The following KIAA0753 variants were observed in gnomAD, a reference collection of about 807,000 sequenced individuals.
KIAA0753 encodes KIAA0753.
In KIAA0753, 114 loss-of-function variants were observed where a neutral mutation model predicts 116.9. That is an observed-to-expected ratio of 0.98 (90% CI 0.84 to 1.14). KIAA0753 has a LOEUF of 1.14. Among genes scored for constraint, KIAA0753 ranks in the 50% most tolerant of loss-of-function variants. The pLI, the probability that KIAA0753 is intolerant of heterozygous loss-of-function variation, is 0.00. For missense variants in KIAA0753, 1,156 were observed against 1,172.4 expected, an observed-to-expected ratio of 0.99 and a Z score of 0.20; for synonymous variants, 405 against 413.1, an observed-to-expected ratio of 0.98 and a Z score of 0.24.
chr17:6,583,352 T>G (rs1469593441), intron 18 of KIAA0753, among the ~76,000 whole-genome samples: 2 of 152,036 alleles, frequency 1.3e-5, no homozygotes, highest in African/African-American at 2.4e-5. Flanking sequence ...TTTTCCTTGC[T>G]TGGGGTTTTT....
Position 6,620,767 on chromosome 17 carries a change from TA to T in KIAA0753, c.1315+20del, listed in dbSNP as rs1971261752. The T allele has an allele frequency of 6.2e-7, 1 of 1,608,564 alleles. No homozygotes were observed. The highest frequency in any genetic ancestry group is 1.3e-5 in the African/African-American group (1 of 74,808). The stretch of plus-strand genomic sequence containing the variant: ...TTGTAATGAATAAAATGTCTTACAA[TA>T]AACACTTTAAGACACATACCGGCAA... On this transcript the variant is annotated intron_variant, in intron 7 of 18. Coordinates refer to ENST00000361413, the MANE Select transcript of KIAA0753 (RefSeq NM_014804.3).
chr17:6,621,072 T>C, intron 6 of KIAA0753, 74 bp from the exon 7 acceptor site: 3 of 1,373,474 alleles, frequency 2.2e-6, no homozygotes, highest in Non-Finnish European at 3.0e-6. Flanking sequence ...AAACTGAAAA[T>C]AAGGACTCCA....
At chr17:6,608,325 A>G (rs916599793) in intron 10 of KIAA0753, 23 bp downstream of exon 10, 1 of 1,210,808 alleles carries the variant, frequency 8.3e-7, no homozygotes, top group Non-Finnish European at 1.1e-6. Context: ...ATTCTCAAAG[A>G]TCTGAAAAAT....
intron 10 of KIAA0753, among the ~76,000 whole-genome samples, chr17:6,607,754 T>C (rs1188338374): frequency 6.6e-6 from 1 of 152,258 alleles, no homozygotes; most frequent in East Asian, 1.9e-4. Flanking sequence ...TGTTTTCCCA[T>C]AACTGTAAGA....
intron 17 of KIAA0753, 83 bp downstream of exon 17, chr17:6,590,427 T>G (rs948351693): frequency 5.2e-6 from 8 of 1,528,244 alleles, no homozygotes; most frequent in South Asian, 1.2e-5. Context: ...CTGTCTGTCT[T>G]ATGGGAACTG....
intron 1 of KIAA0753, chr17:6,635,762 G>C (rs1343222623): frequency 1.3e-5 from 2 of 150,640 alleles, no homozygotes; most frequent in Non-Finnish European, 3.0e-5. Flanking sequence ...TAATAGATAT[G>C]AAAGCACTCG....
At chr17:6,595,687 T>C (rs1466738945) in intron 15 of KIAA0753, among the ~76,000 whole-genome samples, 3 of 152,184 alleles carry the variant, frequency 2.0e-5, no homozygotes, top group Non-Finnish European at 4.4e-5. Flanking sequence ...TTTCCTGCAC[T>C]GAATAATCCA....
At position 6,628,543 on chromosome 17, in the gene KIAA0753, T is replaced by TA; in HGVS notation, c.291dup (p.Ser98Ter). 6.2e-7 allele frequency: 1 copy of TA among 1,614,212 alleles called. No homozygotes were observed. The highest frequency in any genetic ancestry group is 8.5e-7 in the Non-Finnish European group (1 of 1,180,014). ...CTTCTGGCTAGGTGGACAGCATAGCTAAGTCTCTCTTGGGATATGACGGAA... is the reference window on the plus strand; with the variant it reads ...CTTCTGGCTAGGTGGACAGCATAGCTAAAGTCTCTCTTGGGATATGACGGAA... On this transcript the variant is annotated frameshift_variant, in exon 3 of 19. Coordinates refer to ENST00000361413, the MANE Select transcript of KIAA0753 (RefSeq NM_014804.3). LOFTEE classifies it high-confidence loss of function.
In KIAA0753 at chr17:6,620,773, C is replaced by A. The variant is rs2150878142; in HGVS notation, c.1315+15G>T. On this transcript the variant is annotated intron_variant, in intron 7 of 18. Transcript: ENST00000361413. ...TGAATAAAATGTCTTACAATAAACA[C>A]TTTAAGACACATACCGGCAAGAAGC... The A allele has an allele frequency of 1.9e-6, 3 of 1,609,854 alleles. No individual in the cohort carries two copies. Among genetic ancestry groups the A allele is most frequent in the Non-Finnish European group, 2.6e-6 (3 of 1,176,110 alleles).
chr17:6,586,639 C>G (rs1255097010), intron 18 of KIAA0753, among the ~76,000 whole-genome samples: 1 of 152,228 alleles, frequency 6.6e-6, no homozygotes, highest in Admixed American at 6.5e-5. Context: ...TCCTTTTCAA[C>G]CAGAATTCAC....
chr17:6,589,652 A>C (rs1968841387), intron 18 of KIAA0753, 127 bp downstream of exon 18: 2 of 630,048 alleles, frequency 3.2e-6, no homozygotes, highest in Non-Finnish European at 5.3e-6. Flanking sequence ...GCCCAAGAAC[A>C]ACCACTGAAA....
At chr17:6,628,082 C>T (rs1334741259) in intron 3 of KIAA0753, 35 bp downstream of exon 3, 8 of 1,582,228 alleles carry the variant, frequency 5.1e-6, no homozygotes, top group Non-Finnish European at 6.9e-6. Flanking sequence ...ATAATCACAG[C>T]CTTAGGTCGA....
At chr17:6,625,712 T>A (rs538175876) in intron 3 of KIAA0753, among the ~76,000 whole-genome samples, 1 of 152,172 alleles carries the variant, frequency 6.6e-6, no homozygotes, top group Non-Finnish European at 1.5e-5. Flanking sequence ...TAAGATAGCA[T>A]CTTATTGTAA....
intron 7 of KIAA0753, among the ~76,000 whole-genome samples, chr17:6,614,984 A>T (rs185021457): frequency 1.4e-4 from 21 of 152,232 alleles, no homozygotes; most frequent in South Asian, 4.2e-4. Context: ...TTTTTAGTAG[A>T]GACGGGGTTT....
At chr17:6,621,738 A>G (rs1222788341) in intron 6 of KIAA0753, among the ~76,000 whole-genome samples, 1 of 152,224 alleles carries the variant, frequency 6.6e-6, no homozygotes, top group Non-Finnish European at 1.5e-5. Context: ...CTCAAAATGT[A>G]GGAGAGGGAC....
chr17:6,610,109 T>C lies in KIAA0753; in HGVS notation c.1597A>G (p.Arg533Gly). ...GRQSQPHSKS[R>G]VQQTTVSSRL... is the part of the protein sequence containing the mutation. Reference sequence around the variant, plus strand: ...GATGAAACTGTTGTCTGCTGCACTCTGCTTTTACTGTGAGGTTGGCTTTGT... The same window carrying C: ...GATGAAACTGTTGTCTGCTGCACTCCGCTTTTACTGTGAGGTTGGCTTTGT... The change falls in exon 9 of 19, where the codon AGA (arginine) becomes GGA (glycine). Residue 533 changes from arginine to glycine, a missense_variant. Arg to Gly is a moderately radical substitution (Grantham distance 125, BLOSUM62 -2). Transcript: ENST00000361413. 1 of 1,614,186 alleles carries C rather than the reference T, an allele frequency of 6.2e-7. No individual in the cohort carries two copies. The highest frequency in any genetic ancestry group is 8.5e-7 in the Non-Finnish European group (1 of 1,180,020).
intron 12 of KIAA0753, among the ~76,000 whole-genome samples, chr17:6,604,193 G>A (rs781125146): frequency 4.3e-4 from 66 of 151,878 alleles, no homozygotes; most frequent in Non-Finnish European, 6.5e-4. Context: ...CTACAGAACT[G>A]TTTATAGAAA....
At chr17:6,610,605 C>T (rs1165347638) in intron 8 of KIAA0753, among the ~76,000 whole-genome samples, 4 of 146,630 alleles carry the variant, frequency 2.7e-5, no homozygotes, top group Admixed American at 1.4e-4. Context: ...ACTGCAGCCT[C>T]AAACTCCTGG....
intron 14 of KIAA0753, among the ~76,000 whole-genome samples, chr17:6,597,412 C>G (rs1482782278): frequency 2.0e-5 from 3 of 151,910 alleles, no homozygotes; most frequent in Non-Finnish European, 4.4e-5. Context: ...AATGGAACAC[C>G]AAAAATACTA....
Sources: allele counts gnomAD v4.1 joint callset (sites outside exome capture counted in the v4.1 genomes callset), GRCh38; gene constraint gnomAD v4.1.1; transcripts MANE v1.5; gene names NCBI Gene and HGNC (gene_info 2026-07-23, HGNC 2026-07-21).